Variants in MSI2 observed in about 807,000 individuals in gnomAD.
MSI2 encodes musashi RNA binding protein 2.
A neutral mutation model predicts 45.6 loss-of-function variants in MSI2; 17 were observed. That is an observed-to-expected ratio of 0.37 (90% CI 0.26 to 0.56). The LOEUF (loss-of-function observed/expected upper bound fraction) is 0.56, where lower values mean the gene tolerates loss of function less well. Ranked by LOEUF, MSI2 falls within the 20% of genes least tolerant of loss-of-function variation. The probability of loss-of-function intolerance (pLI) is 0.77; values close to 1 mark genes in which losing one functional copy is unlikely to be tolerated. For synonymous variants in MSI2, 156 were observed against 158.2 expected (o/e 0.99, Z 0.11); for missense variants, 293 against 444.2 (o/e 0.66, Z 3.06).
At chr17:57,505,099 G>A (rs2086199438) in intron 6 of MSI2, among the ~76,000 whole-genome samples, 1 of 152,088 alleles carries the variant, frequency 6.6e-6, no homozygotes, top group Non-Finnish European at 1.5e-5. Flanking sequence ...GGAGTCTGGG[G>A]GAAGGTGTGT....
intron 7 of MSI2, among the ~76,000 whole-genome samples, chr17:57,579,039 A>G (rs919511354): frequency 1.3e-5 from 2 of 152,206 alleles, no homozygotes; most frequent in Non-Finnish European, 2.9e-5. Context: ...GGATGGAATT[A>G]TGCATCATGA....
At chr17:57,643,730 T>C (rs11079318) in intron 10 of MSI2, among the ~76,000 whole-genome samples, 22,373 of 152,320 alleles carry the variant, frequency 0.15, 2,198 homozygotes, top group East Asian at 0.46. Context: ...ACCTTCCTTT[T>C]AGTCCTATCA....
Position 57,543,277 on chromosome 17 carries a change from G to C in MSI2, c.454+13553G>C, listed in dbSNP as rs764849098. On this transcript the variant is annotated intron_variant, in intron 7 of 13. Coordinates refer to ENST00000284073, the MANE Select transcript of MSI2 (RefSeq NM_138962.4). ...AGAATTTTTTCTTGCTGGCTTAAGA[G>C]GGGGGGAAAATGCCTTTAGTGTTGT... 4.6e-5 allele frequency among the ~76,000 whole-genome samples: 7 copies of C among 152,184 alleles called. No individual in the cohort carries two copies. In the East Asian group the frequency reaches 5.8e-4, roughly 13 times the overall value.
intron 7 of MSI2, among the ~76,000 whole-genome samples, chr17:57,573,130 G>A (rs2087922303): frequency 6.6e-6 from 1 of 152,168 alleles, no homozygotes; most frequent in Admixed American, 6.5e-5. Flanking sequence ...GTGTTCATGG[G>A]GACCACTTGT....
Position 57,529,801 on chromosome 17 carries a change from C to A in MSI2, c.454+77C>A. Reference sequence around the variant, plus strand: ...TGTCTGTCATCCCCAGTCCCACTGACAAAAGATACAGTGAAGAGTCCAGAG... The same window carrying A: ...TGTCTGTCATCCCCAGTCCCACTGAAAAAAGATACAGTGAAGAGTCCAGAG... On this transcript the variant is annotated intron_variant, in intron 7 of 13. Coordinates refer to ENST00000284073, the MANE Select transcript of MSI2 (RefSeq NM_138962.4). This position sits in a 1 kb window ranked among gnomAD's most constrained non-coding sequence, Gnocchi z 5.3. 1 of 1,230,312 alleles carries A rather than the reference C, an allele frequency of 8.1e-7. No homozygotes were observed. The allele number at this position is 1,230,312 out of a possible 1,614,324, so 76.2% of individuals were successfully genotyped here.
At chr17:57,593,910 C>T (rs991714381) in intron 7 of MSI2, among the ~76,000 whole-genome samples, 1 of 152,120 alleles carries the variant, frequency 6.6e-6, no homozygotes, top group South Asian at 2.1e-4. Context: ...CGTGCCTGTT[C>T]GTGAATTGTG....
At chr17:57,371,593 T>A (rs1189979924) in intron 5 of MSI2, among the ~76,000 whole-genome samples, 1 of 152,074 alleles carries the variant, frequency 6.6e-6, no homozygotes, top group Non-Finnish European at 1.5e-5. Context: ...AACCTGCCTT[T>A]ATAACTTTAT....
At chr17:57,258,928 G>T (rs150260392) in intron 4 of MSI2, among the ~76,000 whole-genome samples, 1 of 146,062 alleles carries the variant, frequency 6.8e-6, no homozygotes, top group South Asian at 2.1e-4. Flanking sequence ...GGCTGATAAG[G>T]CCTGGGGGTT....
At chr17:57,667,969 C>T (rs1322593519) in intron 11 of MSI2, among the ~76,000 whole-genome samples, 1 of 152,124 alleles carries the variant, frequency 6.6e-6, no homozygotes, top group African/African-American at 2.4e-5. Context: ...GAGGCTGAGG[C>T]GGGTGGATCA....
At chr17:57,427,481 A>G (rs1217993977) in intron 6 of MSI2, among the ~76,000 whole-genome samples, 1 of 152,144 alleles carries the variant, frequency 6.6e-6, no homozygotes, top group Non-Finnish European at 1.5e-5. Context: ...ATGTGGGGAA[A>G]CCAGCCTGGT....
chr17:57,468,216 A>G (rs1211046380), intron 6 of MSI2, among the ~76,000 whole-genome samples: 2 of 151,900 alleles, frequency 1.3e-5, no homozygotes, highest in Non-Finnish European at 2.9e-5. Flanking sequence ...GAGACAATGC[A>G]CACAGAGTCC....
At chr17:57,312,017 C>T (rs1912442441) in intron 5 of MSI2, among the ~76,000 whole-genome samples, 1 of 152,158 alleles carries the variant, frequency 6.6e-6, no homozygotes, top group Non-Finnish European at 1.5e-5. Flanking sequence ...CTTTTGATAC[C>T]TGCTTTCTCT....
At position 57,679,640 on chromosome 17, in the gene MSI2, C is replaced by T; in HGVS notation, c.*123C>T. ...CTCAGACCTGGACCCCCACCAGCCT[C>T]ACTCCCCATCCCAACCAGAGATGGC... On this transcript the variant is annotated 3_prime_UTR_variant, in exon 14 of 14. Transcript: ENST00000284073. The T allele has an allele frequency of 9.4e-7, 1 of 1,062,156 alleles. No individual in the cohort carries two copies. The highest frequency in any genetic ancestry group is 1.1e-6 in the Non-Finnish European group (1 of 876,336). The allele number at this position is 1,062,156 out of a possible 1,614,324, so 65.8% of individuals were successfully genotyped here.
chr17:57,400,960 C>T (rs570474925), intron 5 of MSI2, among the ~76,000 whole-genome samples: 7 of 152,258 alleles, frequency 4.6e-5, no homozygotes, highest in South Asian at 2.1e-4. Context: ...ACAGCCTGTG[C>T]GTACTTTTGA....
chr17:57,281,692 G>A (rs1029010259), intron 5 of MSI2, among the ~76,000 whole-genome samples: 7 of 152,160 alleles, frequency 4.6e-5, no homozygotes, highest in African/African-American at 1.4e-4. Flanking sequence ...AGAGGCGTAC[G>A]AGCTGCTTTT....
the MSI2 span, among the ~76,000 whole-genome samples, chr17:57,701,401 C>T: frequency 5.3e-5 from 8 of 152,114 alleles, no homozygotes; most frequent in Admixed American, 5.2e-4. Flanking sequence ...GAAGAATGCC[C>T]TTATAAAAGA....
intron 5 of MSI2, among the ~76,000 whole-genome samples, chr17:57,387,058 G>C (rs960123659): frequency 6.6e-6 from 1 of 152,192 alleles, no homozygotes; most frequent in African/African-American, 2.4e-5. Context: ...TACAAAATGA[G>C]CCCTCCATGT....
chr17:57,374,636 G>A (rs1354089610), intron 5 of MSI2, among the ~76,000 whole-genome samples: 1 of 151,852 alleles, frequency 6.6e-6, no homozygotes, highest in African/African-American at 2.4e-5. Flanking sequence ...AAATTAGCTG[G>A]GCATGGTGGT....
At chr17:57,434,542 C>T (rs1271393182) in intron 6 of MSI2, among the ~76,000 whole-genome samples, 4 of 152,172 alleles carry the variant, frequency 2.6e-5, no homozygotes, top group African/African-American at 9.7e-5. Flanking sequence ...CTTTGACCAA[C>T]ATCTCCCTCC....
Sources: allele counts gnomAD v4.1 joint callset (sites outside exome capture counted in the v4.1 genomes callset), GRCh38; gene constraint gnomAD v4.1.1; non-coding constraint Gnocchi (gnomAD v3.1); transcripts MANE v1.5; gene names NCBI Gene and HGNC (gene_info 2026-07-23, HGNC 2026-07-21).